RPTOR: variants seen among roughly 807,000 people sequenced by gnomAD.
The protein encoded by RPTOR is regulatory-associated protein of mTOR.
A neutral mutation model predicts 169.9 loss-of-function variants in RPTOR; 21 were observed. The observed-to-expected ratio is 0.12, with a 90% confidence interval of 0.09 to 0.18. The LOEUF is 0.18. RPTOR is among the 10% of genes least tolerant of loss of function. RPTOR has a pLI of 1.00. For missense variants in RPTOR, 1,133 were observed against 1,855.9 expected (o/e 0.61, Z 7.16); for synonymous variants, 732 against 753.2 (o/e 0.97, Z 0.46).
chr17:80,667,164 C>T (rs777211688), intron 3 of RPTOR, among the ~76,000 whole-genome samples: 6 of 152,146 alleles, frequency 3.9e-5, no homozygotes, highest in Non-Finnish European at 7.3e-5. Flanking sequence ...TTGATCTTTC[C>T]AGTACAGCTT....
intron 1 of RPTOR, among the ~76,000 whole-genome samples, chr17:80,611,630 A>G (rs1436202082): frequency 6.6e-6 from 1 of 152,036 alleles, no homozygotes; most frequent in Non-Finnish European, 1.5e-5. Flanking sequence ...TTCAAACATC[A>G]TTCACCCGTC....
chr17:80,704,459 AG>A (rs1369449831), intron 3 of RPTOR, among the ~76,000 whole-genome samples: 2 of 152,200 alleles, frequency 1.3e-5, no homozygotes, highest in African/African-American at 4.8e-5. Context: ...CATTTTCGTA[AG>A]TCTTAGTATG....
intron 3 of RPTOR, among the ~76,000 whole-genome samples, chr17:80,668,445 G>C (rs566592836): frequency 6.6e-6 from 1 of 152,132 alleles, no homozygotes; most frequent in Non-Finnish European, 1.5e-5. Context: ...GGAGGTCTTC[G>C]CGCCCTGTCC....
In RPTOR at chr17:80,730,754, T is replaced by TTTTTTC; in HGVS notation, c.654+48_654+49insTTTTTC. The stretch of plus-strand genomic sequence containing the variant: ...AGCGGTGCTGGGTTTGGTTTTGTTT[T>TTTTTTC]CCCTGGGGGTGGGGTTTGGGTGGGG... On this transcript the variant is annotated intron_variant, in intron 5 of 33. Coordinates refer to ENST00000306801, the MANE Select transcript of RPTOR (RefSeq NM_020761.3). This position sits in a 1 kb window ranked among gnomAD's most constrained non-coding sequence, Gnocchi z 4.2. The TTTTTTC allele has an allele frequency of 4.6e-5, 33 of 721,550 alleles. No homozygotes were observed. Among genetic ancestry groups the TTTTTTC allele is most frequent in the South Asian group, 1.0e-4 (7 of 67,238 alleles). 44.7% of individuals were successfully genotyped at this position (721,550 alleles called of 1,614,324 possible). A position where few individuals can be genotyped will look rare whatever the true frequency, so the allele number is the denominator to read the frequency against.
At chr17:80,945,867 C>G in intron 26 of RPTOR, 86 bp downstream of exon 26, 1 of 756,388 alleles carries the variant, frequency 1.3e-6, no homozygotes, top group African/African-American at 1.8e-5. Flanking sequence ...CACTCCTCTT[C>G]CTTGAAAAGC....
chr17:80,936,223 G>A lies in RPTOR; in HGVS notation c.2920-4273G>A, dbSNP rs146169514. Among the ~76,000 whole-genome samples the A allele has an allele frequency of 1.0e-3, 158 of 152,304 alleles. No individual in the cohort carries two copies. In the East Asian group the frequency reaches 0.023, roughly 22 times the overall value. ...TCTACCAAGTGTTGGCAAGGGACAC[G>A]GAGCATCTGAAACCCTCATTCTTGG... On this transcript the variant is annotated intron_variant, in intron 24 of 33. Transcript: ENST00000306801. This position sits in a 1 kb window ranked among gnomAD's most constrained non-coding sequence, Gnocchi z 4.1.
intron 3 of RPTOR, among the ~76,000 whole-genome samples, chr17:80,674,494 C>T (rs2065845945): frequency 6.6e-6 from 1 of 152,160 alleles, no homozygotes; most frequent in Non-Finnish European, 1.5e-5. Context: ...GGGGTGGATA[C>T]TGGGGAAAAC....
intron 3 of RPTOR, among the ~76,000 whole-genome samples, chr17:80,649,161 G>A (rs1379879217): frequency 1.3e-5 from 2 of 152,188 alleles, no homozygotes; most frequent in East Asian, 3.9e-4. Flanking sequence ...CGGGGAAGAA[G>A]CAGCTAAGTT....
intron 5 of RPTOR, among the ~76,000 whole-genome samples, chr17:80,750,284 A>G (rs2066618337): frequency 6.6e-6 from 1 of 152,228 alleles, no homozygotes; most frequent in Non-Finnish European, 1.5e-5. Context: ...ATTTCCTCCC[A>G]CTTAAAGTTG....
intron 3 of RPTOR, among the ~76,000 whole-genome samples, chr17:80,700,781 A>G (rs199723763): frequency 0.11 from 313 of 2,728 alleles, no homozygotes; most frequent in Middle Eastern, 0.25. Context: ...GGTAGAGATG[A>G]TGATGGTGGT....
chr17:80,738,711 G>A (rs558098824), intron 5 of RPTOR, among the ~76,000 whole-genome samples: 2 of 152,248 alleles, frequency 1.3e-5, no homozygotes, highest in South Asian at 4.1e-4. Context: ...CTTTACATTT[G>A]TTATGTAAAC....
chr17:80,906,367 C>T (rs1172684729), intron 20 of RPTOR, among the ~76,000 whole-genome samples: 7 of 152,320 alleles, frequency 4.6e-5, no homozygotes, highest in Admixed American at 3.3e-4. Context: ...TGGATCTACA[C>T]GGCTATCGCA....
intron 6 of RPTOR, among the ~76,000 whole-genome samples, chr17:80,783,271 T>C (rs937685459): frequency 5.3e-5 from 8 of 152,214 alleles, no homozygotes; most frequent in Non-Finnish European, 8.8e-5. Context: ...CCTCTCTCTC[T>C]CCGTCTCTGT....
At chr17:80,945,545 T>C (rs1177064312) in intron 25 of RPTOR, 122 bp from the exon 26 acceptor site, 2 of 545,316 alleles carry the variant, frequency 3.7e-6, no homozygotes, top group Non-Finnish European at 6.4e-6. Context: ...TGAGCCAAGA[T>C]TGCACCACTG....
At chr17:80,897,122 G>A (rs7224185) in intron 20 of RPTOR, among the ~76,000 whole-genome samples, 4,961 of 151,952 alleles carry the variant, frequency 0.033, 180 homozygotes, top group African/African-American at 0.086. Flanking sequence ...TTAGCCAGGT[G>A]TGGTGGTGCG....
intron 18 of RPTOR, 38 bp from the exon 19 acceptor site, chr17:80,892,691 G>C: frequency 6.2e-7 from 1 of 1,603,510 alleles, no homozygotes; most frequent in African/African-American, 1.3e-5. Context: ...CCTCCACCTG[G>C]AAGCCCATTG....
chr17:80,568,658 A>G (rs139589645), intron 1 of RPTOR, among the ~76,000 whole-genome samples: 4 of 152,164 alleles, frequency 2.6e-5, no homozygotes, highest in South Asian at 2.1e-4. Flanking sequence ...CAGTTTTCCT[A>G]TCTCTCCCCT....
chr17:80,736,047 G>A (rs989996780), intron 5 of RPTOR, among the ~76,000 whole-genome samples: 13 of 152,044 alleles, frequency 8.6e-5, no homozygotes, highest in African/African-American at 3.1e-4. Context: ...TGGCACGCAT[G>A]TGTCATCCCA....
rs866590341 is a variant in RPTOR, at chr17:80,730,206, A to G, written c.508-354A>G. On this transcript the variant is annotated intron_variant, in intron 4 of 33. Transcript: ENST00000306801. This position sits in a 1 kb window ranked among gnomAD's most constrained non-coding sequence, Gnocchi z 4.2. ...ACTGTAACCTTCGCCTCCCGGGTTCAGGTGATTCTCCTGCCTCAGCCTCCC... is the reference window on the plus strand; with the variant it reads ...ACTGTAACCTTCGCCTCCCGGGTTCGGGTGATTCTCCTGCCTCAGCCTCCC... Among the ~76,000 whole-genome samples the G allele has an allele frequency of 2.6e-5, 4 of 152,288 alleles. No individual in the cohort carries two copies. Among genetic ancestry groups the G allele is most frequent in the African/African-American group, 9.6e-5 (4 of 41,550 alleles).
Sources: gnomAD v4.1 joint callset for allele counts (sites outside exome capture counted in the v4.1 genomes callset) on GRCh38, gnomAD v4.1.1 for gene constraint, Gnocchi (gnomAD v3.1) non-coding constraint, MANE v1.5 for transcripts, NCBI Gene and HGNC (gene_info 2026-07-23, HGNC 2026-07-21) for gene names.